The following EGFLAM variants were observed in gnomAD, a reference collection of about 807,000 sequenced individuals.
EGFLAM encodes the protein EGF like, fibronectin type III and laminin G domains.
Under a neutral mutation model 113.1 loss-of-function variants are expected in EGFLAM, and 79 were observed. The observed-to-expected ratio is 0.70, with a 90% CI of 0.58 to 0.84. The LOEUF (loss-of-function observed/expected upper bound fraction) is 0.84. EGFLAM is among the 40% of genes least tolerant of loss of function. EGFLAM has a pLI of 0.00. For synonymous variants in EGFLAM, 504 were observed against 487.6 expected (o/e 1.03, Z -0.44); for missense variants, 1,265 against 1,291.6 (o/e 0.98, Z 0.32).
At chr5:38,268,254 T>A (rs555044276) in intron 1 of EGFLAM, among the ~76,000 whole-genome samples, 2 of 152,108 alleles carry the variant, frequency 1.3e-5, no homozygotes, top group Non-Finnish European at 2.9e-5. Context: ...AAGTCCAAAG[T>A]GGATGTTCCT....
chr5:38,271,234 T>G (rs2561144), intron 1 of EGFLAM, among the ~76,000 whole-genome samples: 29,879 of 152,120 alleles, frequency 0.2, 4,320 homozygotes, highest in African/African-American at 0.4. Context: ...AAAGACATCA[T>G]TTGCAGTTAG....
At chr5:38,405,501 T>C (rs1003924127) in intron 6 of EGFLAM, among the ~76,000 whole-genome samples, 2 of 152,224 alleles carry the variant, frequency 1.3e-5, no homozygotes, top group African/African-American at 2.4e-5. Context: ...CATGTTGATA[T>C]ATTAAATGAT....
chr5:38,375,301 T>C (rs569442027), intron 6 of EGFLAM, among the ~76,000 whole-genome samples: 3 of 152,274 alleles, frequency 2.0e-5, no homozygotes, highest in African/African-American at 7.2e-5. Context: ...CAGAAATGTT[T>C]TGAACACTAC....
chr5:38,438,567 T>G, intron 17 of EGFLAM, 112 bp downstream of exon 17: 1 of 1,051,460 alleles, frequency 9.5e-7, no homozygotes, highest in Non-Finnish European at 1.3e-6. Context: ...ACAACCATAG[T>G]GGTTATTTTG....
intron 1 of EGFLAM, among the ~76,000 whole-genome samples, chr5:38,278,138 A>G (rs10473092): frequency 0.41 from 62,856 of 151,996 alleles, 13,539 homozygotes; most frequent in Middle Eastern, 0.56. Context: ...TGACTTCAAA[A>G]TACACTAAAA....
At position 38,338,799 on chromosome 5, in the gene EGFLAM, G is replaced by A. The variant is rs369077468; in HGVS notation, c.291+18G>A. ...CGACCACGGTGAGTCTTTCCATCCT[G>A]GCAGCCCACTCAAAAGCATGTGGGC... On this transcript the variant is annotated intron_variant, in intron 3 of 21. Transcript: ENST00000322350. 1.2e-5 allele frequency: 19 copies of A among 1,612,334 alleles called. No homozygotes were observed. The Admixed American group carries it at 1.3e-4, about 11-fold the overall frequency.
chr5:38,432,467 A>C (rs1316618367), intron 15 of EGFLAM, among the ~76,000 whole-genome samples: 1 of 131,092 alleles, frequency 7.6e-6, no homozygotes, highest in African/African-American at 2.8e-5. Flanking sequence ...TGCTCTATAT[A>C]TATCTGTGGA....
chr5:38,299,597 G>C (rs959706775), intron 1 of EGFLAM, among the ~76,000 whole-genome samples: 1 of 152,000 alleles, frequency 6.6e-6, no homozygotes, highest in African/African-American at 2.4e-5. Flanking sequence ...ATCATCTCTG[G>C]GCCTTTAAAT....
chr5:38,459,677 G>A (rs546426554), intron 20 of EGFLAM, among the ~76,000 whole-genome samples: 46 of 152,180 alleles, frequency 3.0e-4, no homozygotes, highest in African/African-American at 1.0e-3. Context: ...GAAACATGGC[G>A]CCCACCATGG....
chr5:38,283,495 A>C (rs985495364), intron 1 of EGFLAM, among the ~76,000 whole-genome samples: 2 of 152,194 alleles, frequency 1.3e-5, no homozygotes, highest in African/African-American at 4.8e-5. Flanking sequence ...GCTATGTGCC[A>C]GGCACTGGTA....
intron 15 of EGFLAM, among the ~76,000 whole-genome samples, chr5:38,434,560 A>C (rs797013973): frequency 6.6e-6 from 1 of 152,326 alleles, no homozygotes; most frequent in African/African-American, 2.4e-5. Context: ...AACATTACCT[A>C]AAGTGTGTTC....
intron 6 of EGFLAM, among the ~76,000 whole-genome samples, chr5:38,385,727 G>A (rs918321278): frequency 6.6e-6 from 1 of 152,176 alleles, no homozygotes; most frequent in South Asian, 2.1e-4. Context: ...AATTTTTAAA[G>A]TGTGGTCATG....
chr5:38,297,541 CTG>C (rs1758476200), intron 1 of EGFLAM, among the ~76,000 whole-genome samples: 1 of 152,112 alleles, frequency 6.6e-6, no homozygotes, highest in African/African-American at 2.4e-5. Context: ...ACTTTGGATT[CTG>C]CACTGTGGAT....
At chr5:38,300,982 G>C (rs1758562177) in intron 1 of EGFLAM, among the ~76,000 whole-genome samples, 1 of 152,194 alleles carries the variant, frequency 6.6e-6, no homozygotes, top group Non-Finnish European at 1.5e-5. Context: ...AGATGAGAGA[G>C]ACTGAGTGAA....
intron 1 of EGFLAM, among the ~76,000 whole-genome samples, chr5:38,304,934 C>T (rs1758687211): frequency 6.6e-6 from 1 of 151,928 alleles, no homozygotes; most frequent in African/African-American, 2.4e-5. Context: ...CAAAAAGAGC[C>T]TTGGGATTTT....
intron 6 of EGFLAM, among the ~76,000 whole-genome samples, chr5:38,393,239 T>C (rs1441375404): frequency 6.6e-6 from 1 of 152,196 alleles, no homozygotes; most frequent in Admixed American, 6.5e-5. Context: ...ATCACCACCT[T>C]ATATCTCATC....
At chr5:38,363,852 A>G (rs1739991485) in intron 5 of EGFLAM, among the ~76,000 whole-genome samples, 1 of 152,202 alleles carries the variant, frequency 6.6e-6, no homozygotes, top group African/African-American at 2.4e-5. Flanking sequence ...ACAGGATCAG[A>G]TAGTAAATAT....
At chr5:38,326,986 C>A (rs150084023) in intron 1 of EGFLAM, among the ~76,000 whole-genome samples, 1 of 151,610 alleles carries the variant, frequency 6.6e-6, no homozygotes, top group Non-Finnish European at 1.5e-5. Context: ...TTAGTAGAGA[C>A]GGGGTTTTAC....
At chr5:38,265,205 G>C (rs1561254385) in intron 1 of EGFLAM, among the ~76,000 whole-genome samples, 1 of 152,160 alleles carries the variant, frequency 6.6e-6, no homozygotes, top group Non-Finnish European at 1.5e-5. Flanking sequence ...CATTCTTTGG[G>C]GAATAGTAGT....
Sources: gnomAD v4.1 joint callset for allele counts (sites outside exome capture counted in the v4.1 genomes callset) on GRCh38, gnomAD v4.1.1 for gene constraint, MANE v1.5 for transcripts, NCBI Gene and HGNC (gene_info 2026-07-23, HGNC 2026-07-21) for gene names.